The following ZYG11A variants were observed in gnomAD, a reference collection of about 807,000 sequenced individuals.
The protein encoded by ZYG11A is protein zyg-11 homolog A.
A neutral mutation model predicts 77.2 loss-of-function variants in ZYG11A; 62 were observed. The observed-to-expected ratio is 0.80, with a 90% CI of 0.65 to 0.99. The LOEUF (loss-of-function observed/expected upper bound fraction) is 0.99, where lower values mean the gene tolerates loss of function less well. Ranked by LOEUF, ZYG11A falls within the 50% of genes least tolerant of loss-of-function variation. ZYG11A has a pLI of 0.00. For missense variants in ZYG11A, 828 were observed against 896.8 expected (o/e 0.92, Z 0.98); for synonymous variants, 315 against 324.6 (o/e 0.97, Z 0.32).
chr1:52,883,535 C>T (rs551210676), intron 11 of ZYG11A, among the ~76,000 whole-genome samples: 36 of 151,782 alleles, frequency 2.4e-4, no homozygotes, highest in Admixed American at 2.2e-3. Context: ...TCAAGTGATC[C>T]TCCCACCTCA....
intron 10 of ZYG11A, 30 bp from the exon 11 acceptor site, chr1:52,881,441 C>T: frequency 6.8e-7 from 1 of 1,476,788 alleles, no homozygotes; most frequent in Non-Finnish European, 9.1e-7. Flanking sequence ...CTTCTTGTCT[C>T]TGGGGTTCTC....
Position 52,842,951 on chromosome 1 carries a change from C to T in ZYG11A, c.68C>T (p.Ala23Val). 1 of 1,530,142 alleles carries T rather than the reference C, an allele frequency of 6.5e-7. No homozygotes were observed. The highest frequency in any genetic ancestry group is 8.8e-7 in the Non-Finnish European group (1 of 1,138,168). 94.8% of individuals were successfully genotyped at this position (1,530,142 alleles called of 1,614,324 possible). The change falls in exon 1 of 14, where the codon GCC becomes GTC. Residue 23 changes from alanine to valine, a missense_variant. Transcript: ENST00000371528. ...NIVPPDAQKD[A>V]LGCCVVQEEA... ...GTCCCTCCTGACGCTCAGAAGGATG[C>T]CCTGGGCTGCTGCGTGGTACAGGTG...
chr1:52,862,297 C>G (rs1488541181), intron 4 of ZYG11A, among the ~76,000 whole-genome samples: 4 of 151,436 alleles, frequency 2.6e-5, no homozygotes, highest in Admixed American at 2.6e-4. Context: ...ACTACGTGAG[C>G]CCAGGATTTT....
intron 2 of ZYG11A, 91 bp from the exon 3 acceptor site, chr1:52,856,907 A>T (rs1645823153): frequency 6.8e-6 from 9 of 1,317,496 alleles, no homozygotes; most frequent in Non-Finnish European, 8.2e-6. Context: ...TATTGTTATT[A>T]TTAACATCTG....
chr1:52,874,143 C>T lies in ZYG11A; in HGVS notation c.1543-3539C>T, dbSNP rs893288318. On this transcript the variant is annotated intron_variant, in intron 8 of 13. Transcript: ENST00000371528. Reference sequence around the variant, plus strand: ...TCAGTCGGCCACCATCTTGATCAGTCGGCAGCCATCAACATTGAGACAAGA... The same window carrying T: ...TCAGTCGGCCACCATCTTGATCAGTTGGCAGCCATCAACATTGAGACAAGA... Among the ~76,000 whole-genome samples the T allele has an allele frequency of 3.9e-5, 6 of 152,004 alleles. No individual in the cohort carries two copies. In the South Asian group the frequency reaches 8.3e-4, roughly 21 times the overall value.
At chr1:52,890,249 GTTTT>G (rs908467307) in intron 13 of ZYG11A, among the ~76,000 whole-genome samples, 2 of 71,658 alleles carry the variant, frequency 2.8e-5, no homozygotes, top group Non-Finnish European at 2.5e-5. Context: ...TTTTCTTTTA[GTTTT>G]TTTTTTTTTT....
intron 2 of ZYG11A, 81 bp from the exon 3 acceptor site, chr1:52,856,917 G>A: frequency 7.2e-7 from 1 of 1,380,456 alleles, no homozygotes; most frequent in South Asian, 1.5e-5. Context: ...ATTAACATCT[G>A]TCTTAATTCT....
intron 4 of ZYG11A, among the ~76,000 whole-genome samples, chr1:52,861,205 CAT>C (rs1481313279): frequency 2.6e-5 from 4 of 152,108 alleles, no homozygotes; most frequent in Admixed American, 6.6e-5. Flanking sequence ...TTGTGAATGA[CAT>C]AAAGTTGCTT....
intron 11 of ZYG11A, among the ~76,000 whole-genome samples, chr1:52,884,364 C>T (rs1336143572): frequency 4.6e-5 from 7 of 151,064 alleles, no homozygotes; most frequent in East Asian, 3.9e-4. Context: ...GGCGTGGTGG[C>T]GGGCACCTGT....
At chr1:52,872,539 AGT>A (rs1427902267) in intron 8 of ZYG11A, among the ~76,000 whole-genome samples, 6 of 151,894 alleles carry the variant, frequency 4.0e-5, no homozygotes, top group Middle Eastern at 6.8e-3. Context: ...TAGATCAGGG[AGT>A]AATTTATTAA....
rs929406195 is a variant in ZYG11A, at chr1:52,894,855, G to A, written c.*1898G>A. 6.6e-6 allele frequency: 1 copy of A among 152,204 alleles called. No homozygotes were observed. The highest frequency in any genetic ancestry group is 2.4e-5 in the African/African-American group (1 of 41,458). 9.4% of individuals were successfully genotyped at this position (152,204 alleles called of 1,614,324 possible). A position where few individuals can be genotyped will look rare whatever the true frequency, so the allele number is the denominator to read the frequency against. On this transcript the variant is annotated 3_prime_UTR_variant, in exon 14 of 14. Coordinates refer to ENST00000371528, the MANE Select transcript of ZYG11A (RefSeq NM_001004339.3). ...CTCAGAGCATTGTTATCAGATGCTA[G>A]CTTATTCTAATGTGAGGATGTGTTA... is the stretch of plus-strand genomic sequence containing the variant.
chr1:52,843,143 T>TGCGTTGTCGGGGGAGGC (rs1645483673), intron 1 of ZYG11A, among the ~76,000 whole-genome samples, 170 bp downstream of exon 1: 1 of 150,876 alleles, frequency 6.6e-6, no homozygotes, highest in African/African-American at 2.4e-5. Context: ...GCTGCGGAGG[T>TGCGTTGTCGGGGGAGGC]GCGTTGTCGG....
At chr1:52,878,056 T>C (rs1302417407) in intron 10 of ZYG11A, 87 bp downstream of exon 10, 2 of 1,126,398 alleles carry the variant, frequency 1.8e-6, no homozygotes, top group Admixed American at 2.2e-5. Flanking sequence ...TAGGCAGTAT[T>C]GTAAGCAATT....
Position 52,878,744 on chromosome 1 carries a change from A to G in ZYG11A, c.1749+775A>G, listed in dbSNP as rs545404675. Among the ~76,000 whole-genome samples, 6 of 151,978 alleles carry G rather than the reference A, an allele frequency of 3.9e-5. No homozygotes were observed. In the South Asian group the frequency reaches 8.3e-4, roughly 21 times the overall value. On this transcript the variant is annotated intron_variant, in intron 10 of 13. Transcript: ENST00000371528. The stretch of plus-strand genomic sequence containing the variant: ...ACCTGAGGTCAGAAGTTCAAGACCA[A>G]CCTGGTCAACATGGTGAAACCCTGT...
chr1:52,873,122 C>A (rs776809992), intron 8 of ZYG11A, among the ~76,000 whole-genome samples: 1 of 151,792 alleles, frequency 6.6e-6, no homozygotes, highest in Non-Finnish European at 1.5e-5. Flanking sequence ...GAATTTGAGA[C>A]CAGCCTGGGC....
Position 52,893,083 on chromosome 1 carries a change from TTA to T in ZYG11A, c.*132_*133del. 1 of 818,318 alleles carries T rather than the reference TTA, an allele frequency of 1.2e-6. No individual in the cohort carries two copies. Among genetic ancestry groups the T allele is most frequent in the Non-Finnish European group, 1.9e-6 (1 of 535,384 alleles). 50.7% of individuals were successfully genotyped at this position (818,318 alleles called of 1,614,324 possible). ...TCTCATTGGCCTTTGATTGTTGATT[TTA>T]TATATGTTACAAAAGGTTGGATTTG... On this transcript the variant is annotated 3_prime_UTR_variant, in exon 14 of 14. Coordinates refer to ENST00000371528, the MANE Select transcript of ZYG11A (RefSeq NM_001004339.3).
chr1:52,891,873 A>C (rs889663018), intron 13 of ZYG11A, among the ~76,000 whole-genome samples: 1 of 146,074 alleles, frequency 6.8e-6, no homozygotes, highest in Non-Finnish European at 1.5e-5. Flanking sequence ...TGCATTAAAA[A>C]ATTTGTGAAT....
intron 8 of ZYG11A, among the ~76,000 whole-genome samples, chr1:52,875,352 G>C (rs1182932682): frequency 6.6e-6 from 1 of 152,222 alleles, no homozygotes; most frequent in Non-Finnish European, 1.5e-5. Flanking sequence ...GAGAAGGAAA[G>C]CAGAGGTGGG....
At chr1:52,888,702 A>T (rs1646488994) in intron 13 of ZYG11A, among the ~76,000 whole-genome samples, 1 of 152,212 alleles carries the variant, frequency 6.6e-6, no homozygotes, top group African/African-American at 2.4e-5. Flanking sequence ...TCAGACTTGT[A>T]TTCCCAGCAC....
Sources: gnomAD v4.1 joint callset for allele counts (sites outside exome capture counted in the v4.1 genomes callset) on GRCh38, gnomAD v4.1.1 for gene constraint, MANE v1.5 for transcripts, NCBI Gene and HGNC (gene_info 2026-07-23, HGNC 2026-07-21) for gene names.